Variants in SHISA9 observed in about 807,000 individuals in gnomAD.
SHISA9 encodes the protein shisa family member 9.
SHISA9 carries 13 observed loss-of-function variants against 38.0 expected under a neutral mutation model. The observed-to-expected ratio is 0.34, with a 90% CI of 0.22 to 0.54. The LOEUF is 0.54. Among genes scored for constraint, SHISA9 ranks in the 20% least tolerant of loss-of-function variants. The pLI, the probability that SHISA9 is intolerant of heterozygous loss-of-function variation, is 0.91. For synonymous variants in SHISA9, 275 were observed against 242.0 expected (o/e 1.14, Z -1.27); for missense variants, 538 against 575.8 (o/e 0.93, Z 0.67).
At chr16:13,087,363 AT>A (rs1374882328) in intron 2 of SHISA9, among the ~76,000 whole-genome samples, 2 of 152,104 alleles carry the variant, frequency 1.3e-5, no homozygotes, top group African/African-American at 4.8e-5. Context: ...GCTAGGTCAA[AT>A]GGTAATTCTA....
At chr16:13,000,696 C>T (rs753810509) in intron 2 of SHISA9, among the ~76,000 whole-genome samples, 1 of 152,154 alleles carries the variant, frequency 6.6e-6, no homozygotes, top group Non-Finnish European at 1.5e-5. Flanking sequence ...GGGGATGACG[C>T]ATGGGGATGG....
chr16:13,492,507 C>A, the SHISA9 span, among the ~76,000 whole-genome samples: 1 of 152,156 alleles, frequency 6.6e-6, no homozygotes, highest in Non-Finnish European at 1.5e-5. Context: ...AGGCTGACAT[C>A]ATCTTATCTC....
At chr16:13,265,919 C>CT in the SHISA9 span, among the ~76,000 whole-genome samples, 11 of 152,068 alleles carry the variant, frequency 7.2e-5, no homozygotes, top group Non-Finnish European at 1.5e-4. Context: ...AAATCAATTT[C>CT]CTAAACTCAA....
intron 2 of SHISA9, among the ~76,000 whole-genome samples, chr16:13,077,224 ACTTCTTCTT>A (rs369294233): frequency 2.0e-5 from 3 of 147,442 alleles, no homozygotes; most frequent in South Asian, 2.2e-4. Context: ...TCTATTTTTC[ACTTCTTCTT>A]CTTCTTCTTC....
At chr16:13,197,260 C>G (rs866645391) in intron 2 of SHISA9, among the ~76,000 whole-genome samples, 2 of 152,158 alleles carry the variant, frequency 1.3e-5, no homozygotes, top group South Asian at 2.1e-4. Context: ...CATCTAGTGC[C>G]TTTCTGGGCT....
At chr16:13,067,156 C>T (rs1338209216) in intron 2 of SHISA9, among the ~76,000 whole-genome samples, 1 of 152,200 alleles carries the variant, frequency 6.6e-6, no homozygotes, top group Non-Finnish European at 1.5e-5. Flanking sequence ...AGACAGAGTG[C>T]ATGCTTGACT....
the SHISA9 span, among the ~76,000 whole-genome samples, chr16:13,272,077 TAA>T: frequency 1.0e-3 from 123 of 117,490 alleles, no homozygotes; most frequent in African/African-American, 2.0e-3. Context: ...ATCTCAAAAT[TAA>T]AAAAAAAAAA....
At chr16:13,444,685 C>G in the SHISA9 span, among the ~76,000 whole-genome samples, 1 of 152,034 alleles carries the variant, frequency 6.6e-6, no homozygotes, top group African/African-American at 2.4e-5. Context: ...CACCAGTGTT[C>G]TCCACCTGGT....
chr16:13,455,822 A>G, the SHISA9 span, among the ~76,000 whole-genome samples: 1 of 152,166 alleles, frequency 6.6e-6, no homozygotes, highest in Non-Finnish European at 1.5e-5. Context: ...CTCCTGTTTG[A>G]AGAAATGAAG....
At chr16:13,200,331 G>A in intron 2 of SHISA9, among the ~76,000 whole-genome samples, 1 of 151,722 alleles carries the variant, frequency 6.6e-6, no homozygotes, top group East Asian at 1.9e-4. Context: ...AACTGTCTTA[G>A]TTTGTGTTTC....
the SHISA9 span, chr16:13,332,707 A>AT: frequency 6.6e-6 from 1 of 152,200 alleles, no homozygotes; most frequent in Admixed American, 6.5e-5. Context: ...CAACTGGGGA[A>AT]TAAAAAAAAA....
At chr16:13,367,712 G>GCGCGCGCGCA in the SHISA9 span, among the ~76,000 whole-genome samples, 13 of 104,640 alleles carry the variant, frequency 1.2e-4, no homozygotes, top group African/African-American at 4.2e-4. Flanking sequence ...GCGCGCGCGC[G>GCGCGCGCGCA]CACACACACA....
the SHISA9 span, among the ~76,000 whole-genome samples, chr16:13,371,954 C>T: frequency 6.6e-6 from 1 of 152,240 alleles, no homozygotes; most frequent in African/African-American, 2.4e-5. Context: ...ACACCCGTGC[C>T]ACCCATTTCT....
chr16:13,292,402 A>T, the SHISA9 span, among the ~76,000 whole-genome samples: 1 of 152,126 alleles, frequency 6.6e-6, no homozygotes, highest in African/African-American at 2.4e-5. Context: ...TCACCTCTTG[A>T]AATAACCTTG....
chr16:13,352,778 C>T, the SHISA9 span, among the ~76,000 whole-genome samples: 2 of 110,244 alleles, frequency 1.8e-5, no homozygotes, highest in African/African-American at 3.8e-5. Context: ...TGTTCTCTGG[C>T]GGGCAGGAGT....
chr16:13,112,772 C>T (rs2073992184), intron 2 of SHISA9, among the ~76,000 whole-genome samples: 1 of 152,088 alleles, frequency 6.6e-6, no homozygotes, highest in Non-Finnish European at 1.5e-5. Context: ...CATTAAAAGG[C>T]CCCTCTGGTT....
intron 2 of SHISA9, among the ~76,000 whole-genome samples, chr16:13,075,546 C>T (rs561046155): frequency 4.6e-4 from 70 of 152,266 alleles, no homozygotes; most frequent in African/African-American, 1.6e-3. Context: ...GTGGGCTCCC[C>T]AGGGGATCCT....
chr16:13,376,970 C>T, the SHISA9 span, among the ~76,000 whole-genome samples: 5 of 152,192 alleles, frequency 3.3e-5, no homozygotes, highest in Admixed American at 3.3e-4. Context: ...ATCCATCATG[C>T]CTGACCATGA....
chr16:13,023,007 TTCTG>T (rs775972886), intron 2 of SHISA9, among the ~76,000 whole-genome samples: 3 of 145,126 alleles, frequency 2.1e-5, no homozygotes, highest in Non-Finnish European at 3.2e-5. Flanking sequence ...TTTTCTTTCT[TTCTG>T]TCTTTTATTT....
Sources: gnomAD v4.1 joint callset for allele counts (sites outside exome capture counted in the v4.1 genomes callset) on GRCh38, gnomAD v4.1.1 for gene constraint, MANE v1.5 for transcripts, NCBI Gene and HGNC (gene_info 2026-07-23, HGNC 2026-07-21) for gene names.